The following RPS26 variants were observed in gnomAD, a reference collection of about 807,000 sequenced individuals.
RPS26 encodes the protein ribosomal protein S26.
Under a neutral mutation model 14.7 loss-of-function variants are expected in RPS26, and 1 was observed. The observed-to-expected ratio is 0.07, with a 90% confidence interval of 0.02 to 0.32. The LOEUF is 0.32. Ranked by LOEUF, RPS26 falls within the 10% of genes least tolerant of loss-of-function variation. RPS26 has a pLI of 1.00. For missense variants in RPS26, 63 were observed against 157.7 expected (o/e 0.40, Z 3.22); for synonymous variants, 59 against 53.1 (o/e 1.11, Z -0.48).
chr12:56,043,612 T>A (rs564831403), intron 3 of RPS26, 119 bp downstream of exon 3: 3 of 1,030,848 alleles, frequency 2.9e-6, no homozygotes, highest in Admixed American at 3.9e-5. Context: ...ACAAGAAGAT[T>A]GCTAGAAACC....
Position 56,044,365 on chromosome 12 carries a change from T to TTTTTTTTTTTTTG in RPS26, c.*211_*212insTTTTTTTTTTTTG, listed in dbSNP as rs59385427. 2.9e-6 allele frequency: 1 copy of TTTTTTTTTTTTTG among 345,388 alleles called. No homozygotes were observed. The highest frequency in any genetic ancestry group is 2.8e-5 in the African/African-American group (1 of 36,350). 21.4% of individuals were successfully genotyped at this position (345,388 alleles called of 1,614,324 possible). A position where few individuals can be genotyped will look rare whatever the true frequency, so the allele number is the denominator to read the frequency against. Reference sequence around the variant, plus strand: ...TTTTTCTTTTTTTTTTTTTTTTTTTTGAGACGGAGTCTTTGTCGCCCAAGC... The same window carrying TTTTTTTTTTTTTG: ...TTTTTCTTTTTTTTTTTTTTTTTTTTTTTTTTTTTTTTGGAGACGGAGTCTTTGTCGCCCAAGC... On this transcript the variant is annotated 3_prime_UTR_variant, in exon 4 of 4. Transcript: ENST00000646449.
At position 56,042,420 on chromosome 12, in the gene RPS26, C is replaced by T. The variant is rs536509844; in HGVS notation, c.4-5C>T. ...TTTCCTAACAGTTTTCCCATCCTGT[C>T]GCAGACAAAGAAAAGAAGGAACAAT... On this transcript the variant is annotated splice_region_variant and splice_polypyrimidine_tract_variant and intron_variant, in intron 1 of 3. Transcript: ENST00000646449. The T allele has an allele frequency of 2.6e-5, 42 of 1,613,852 alleles. No homozygotes were observed. In the South Asian group the frequency reaches 3.4e-4, roughly 13 times the overall value.
intron 2 of RPS26, 23 bp downstream of exon 2, chr12:56,042,625 C>G (rs1166477804): frequency 6.3e-7 from 1 of 1,590,322 alleles, no homozygotes; most frequent in Admixed American, 1.7e-5. Flanking sequence ...CCGGCGCGAA[C>G]TGTGTGAGGA....
intron 2 of RPS26, 100 bp from the exon 3 acceptor site, chr12:56,043,263 A>G: frequency 8.5e-7 from 1 of 1,173,604 alleles, no homozygotes; most frequent in Non-Finnish European, 1.3e-6. Context: ...AAATAGGTTT[A>G]GTTTTAATTG....
intron 3 of RPS26, 99 bp downstream of exon 3, chr12:56,043,592 G>A: frequency 8.2e-7 from 1 of 1,223,264 alleles, no homozygotes; most frequent in Non-Finnish European, 1.2e-6. Flanking sequence ...CAACACTTTG[G>A]GAGGCTGGGA....
At chr12:56,044,050 A>C in intron 3 of RPS26, 69 bp from the exon 4 acceptor site, 1 of 1,346,752 alleles carries the variant, frequency 7.4e-7, no homozygotes, top group Non-Finnish European at 1.1e-6. Flanking sequence ...ATGGTGGTCA[A>C]GTTCTTTGGG....
intron 2 of RPS26, chr12:56,042,984 A>G (rs1593023500): frequency 2.4e-6 from 1 of 409,192 alleles, no homozygotes; most frequent in South Asian, 2.2e-5. Context: ...GTGTGCAAGG[A>G]TGATGTTTGG....
intron 2 of RPS26, 129 bp downstream of exon 2, chr12:56,042,731 T>C (rs1895906580): frequency 1.3e-6 from 1 of 791,896 alleles, no homozygotes; most frequent in Non-Finnish European, 2.2e-6. Flanking sequence ...AGGTTGTTAC[T>C]GGTAGAAGAG....
In RPS26 at chr12:56,044,451, C is replaced by A; in HGVS notation, c.*297C>A. On this transcript the variant is annotated 3_prime_UTR_variant, in exon 4 of 4. Coordinates refer to ENST00000646449, the MANE Select transcript of RPS26 (RefSeq NM_001029.5). ...CTCCGTCTCCCGGGTTCAAGTGATT[C>A]TCCTGCCTCAGCTTCTTGAGTAGCT... 6.1e-6 allele frequency: 2 copies of A among 330,556 alleles called. No individual in the cohort carries two copies. Among genetic ancestry groups the A allele is most frequent in the Non-Finnish European group, 1.1e-5 (2 of 186,678 alleles). 20.5% of individuals were successfully genotyped at this position (330,556 alleles called of 1,614,324 possible). A position where few individuals can be genotyped will look rare whatever the true frequency, so the allele number is the denominator to read the frequency against.
chr12:56,043,823 A>AG (rs1012293260), intron 3 of RPS26, among the ~76,000 whole-genome samples: 20 of 151,342 alleles, frequency 1.3e-4, no homozygotes, highest in Admixed American at 2.0e-4. Context: ...AAAAAAAAAA[A>AG]AAGTTGCTTC....
Position 56,043,416 on chromosome 12 carries a change from A to C in RPS26, c.235A>C (p.Ile79Leu). The C allele has an allele frequency of 6.2e-7, 1 of 1,612,420 alleles. No individual in the cohort carries two copies. The change falls in exon 3 of 4, where the codon ATT (isoleucine) becomes CTT (leucine). Residue 79 changes from isoleucine (I) to leucine (L), a missense_variant. Physicochemically the swap from Ile to Leu is conservative, Grantham distance 5. Transcript: ENST00000646449. ...VKLHYCVSCA[I>L]HSKVVRNRSR... The stretch of plus-strand genomic sequence containing the variant: ...GCTACATTACTGTGTGAGTTGTGCA[A>C]TTCACAGCAAAGTAGTCAGGAATCG...
At position 56,042,484 on chromosome 12, in the gene RPS26, T is replaced by A. The variant is rs148167449; in HGVS notation, c.63T>A (p.Ile21=). Residue 21 remains isoleucine, a synonymous_variant, in exon 2 of 4, where the codon ATT becomes ATA. Transcript: ENST00000646449. ...AGGGCCGCGGCCACGTGCAGCCTAT[T>A]CGCTGCACTAACTGTGCCCGATGCG... The part of the protein sequence containing the change: ...AKKGRGHVQP[I]RCTNCARCVP... The A allele has an allele frequency of 2.0e-5, 32 of 1,604,868 alleles. No homozygotes were observed. In the African/African-American group the frequency reaches 3.9e-4, roughly 19 times the overall value.
chr12:56,043,603 C>G, intron 3 of RPS26, 110 bp downstream of exon 3: 1 of 1,108,734 alleles, frequency 9.0e-7, no homozygotes, highest in Non-Finnish European at 1.4e-6. Context: ...GAGGCTGGGA[C>G]AAGAAGATTG....
rs1460634698 is a variant in RPS26 at position 56,041,998 on chromosome 12, C to A, written c.-169C>A. ...AATAAACACTAGGAACGCATTTCCACCCTAGATTTCAGCAGAAATGCTGAA... is the reference window on the plus strand; with the variant it reads ...AATAAACACTAGGAACGCATTTCCAACCTAGATTTCAGCAGAAATGCTGAA... On this transcript the variant is annotated 5_prime_UTR_variant, in exon 1 of 4. Coordinates refer to ENST00000646449, the MANE Select transcript of RPS26 (RefSeq NM_001029.5). 6 of 741,068 alleles carry A rather than the reference C, an allele frequency of 8.1e-6. No individual in the cohort carries two copies. The Admixed American group carries it at 1.0e-4, about 12-fold the overall frequency. 45.9% of individuals were successfully genotyped at this position (741,068 alleles called of 1,614,324 possible).
Position 56,042,250 on chromosome 12 carries a change from T to C in RPS26, c.3+81T>C, listed in dbSNP as rs910660312. On this transcript the variant is annotated intron_variant, in intron 1 of 3. Transcript: ENST00000646449. The stretch of plus-strand genomic sequence containing the variant: ...GGGAAGTGAGAGCCTGGAGCACGGC[T>C]GAGGGGTGGACCGAGTGTACATTTC... 8 of 1,572,128 alleles carry C rather than the reference T, an allele frequency of 5.1e-6. No homozygotes were observed. In the African/African-American group the frequency reaches 9.4e-5, roughly 19 times the overall value.
intron 2 of RPS26, 24 bp downstream of exon 2, chr12:56,042,626 T>C: frequency 6.3e-7 from 1 of 1,588,588 alleles, no homozygotes; most frequent in Non-Finnish European, 8.5e-7. Flanking sequence ...CGGCGCGAAC[T>C]GTGTGAGGAT....
rs373861173 is a variant in RPS26 at position 56,043,354 on chromosome 12, A to G, written c.182-9A>G. Reference sequence around the variant, plus strand: ...TAATACCAGTATAACTCTATTTTCTATTCCTTAGCCTATGTGCTTCCCAAG... The same window carrying G: ...TAATACCAGTATAACTCTATTTTCTGTTCCTTAGCCTATGTGCTTCCCAAG... On this transcript the variant is annotated splice_polypyrimidine_tract_variant and intron_variant, in intron 2 of 3. Coordinates refer to ENST00000646449, the MANE Select transcript of RPS26 (RefSeq NM_001029.5). The G allele has an allele frequency of 1.1e-5, 17 of 1,611,104 alleles. No homozygotes were observed. Among genetic ancestry groups the G allele is most frequent in the African/African-American group, 2.7e-5 (2 of 74,838 alleles).
In RPS26 at chr12:56,042,154, C is replaced by G; in HGVS notation, c.-13C>G. 6.2e-7 allele frequency: 1 copy of G among 1,614,056 alleles called. No individual in the cohort carries two copies. Among genetic ancestry groups the G allele is most frequent in the East Asian group, 2.2e-5 (1 of 44,868 alleles). ...CCAGGCACCGTCTCCTCTCTCCGGT[C>G]CGTGCCTCCAAGATGGTGAGTCTTC... On this transcript the variant is annotated 5_prime_UTR_variant, in exon 1 of 4. Coordinates refer to ENST00000646449, the MANE Select transcript of RPS26 (RefSeq NM_001029.5).
Position 56,042,186 on chromosome 12 carries a change from G to T in RPS26, c.3+17G>T. ...TCCAAGATGGTGAGTCTTCTTGCGTGGTGAGGGTGGGGGTTCGGGTGCAGA... is the reference window on the plus strand; with the variant it reads ...TCCAAGATGGTGAGTCTTCTTGCGTTGTGAGGGTGGGGGTTCGGGTGCAGA... On this transcript the variant is annotated intron_variant, in intron 1 of 3. Transcript: ENST00000646449. The T allele has an allele frequency of 6.2e-7, 1 of 1,614,080 alleles. No homozygotes were observed. The highest frequency in any genetic ancestry group is 8.5e-7 in the Non-Finnish European group (1 of 1,180,008).
Sources: allele counts gnomAD v4.1 joint callset (sites outside exome capture counted in the v4.1 genomes callset), GRCh38; gene constraint gnomAD v4.1.1; transcripts MANE v1.5; gene names NCBI Gene and HGNC (gene_info 2026-07-23, HGNC 2026-07-21).